SLC7A10: variants seen among roughly 807,000 people sequenced by gnomAD.
SLC7A10 encodes the protein asc-type amino acid transporter 1.
Under a neutral mutation model 52.7 loss-of-function variants are expected in SLC7A10, and 30 were observed. The ratio of observed to expected loss-of-function variants is 0.57; its 90% confidence interval spans 0.43 to 0.77. The LOEUF is 0.77. SLC7A10 is among the 30% of genes least tolerant of loss of function. The probability of loss-of-function intolerance (pLI) is 0.00; values close to 1 mark genes in which losing one functional copy is unlikely to be tolerated. For missense variants in SLC7A10, 581 were observed against 698.5 expected (o/e 0.83, Z 1.90); for synonymous variants, 318 against 314.9 (o/e 1.01, Z -0.10).
At position 33,212,127 on chromosome 19, in the gene SLC7A10, G is replaced by A; in HGVS notation, c.788+165C>T. On this transcript the variant is annotated intron_variant, in intron 5 of 10. Coordinates refer to ENST00000253188, the MANE Select transcript of SLC7A10 (RefSeq NM_019849.3). ...AGAGAGAACAGGGCCAGGCTAGAAT[G>A]CAAGCCCCCCGGCTTTCTTCCCAGG... 3 of 963,190 alleles carry A rather than the reference G, an allele frequency of 3.1e-6. No individual in the cohort carries two copies. In the East Asian group the frequency reaches 7.9e-5, roughly 25 times the overall value. 59.7% of individuals were successfully genotyped at this position (963,190 alleles called of 1,614,324 possible).
intron 5 of SLC7A10, 189 bp from the exon 6 acceptor site, chr19:33,211,726 A>T: frequency 2.7e-6 from 3 of 1,094,848 alleles, no homozygotes; most frequent in Non-Finnish European, 2.6e-6. Flanking sequence ...CCCCACCTGG[A>T]CACAGGCTGG....
intron 1 of SLC7A10, among the ~76,000 whole-genome samples, chr19:33,216,650 T>C (rs1974691621): frequency 1.3e-5 from 2 of 151,978 alleles, no homozygotes; most frequent in African/African-American, 2.4e-5. Context: ...CCCTTCCCTT[T>C]CCTTCCCTCC....
intron 2 of SLC7A10, 23 bp from the exon 3 acceptor site, chr19:33,213,025 T>C: frequency 6.4e-7 from 1 of 1,572,366 alleles, no homozygotes; most frequent in African/African-American, 1.4e-5. Flanking sequence ...GGGGCGGGAG[T>C]GGCTCAAGCT....
In SLC7A10 at chr19:33,215,970, T is replaced by G. The variant is rs1291681701; in HGVS notation, c.155A>C (p.Asn52Thr). The G allele has an allele frequency of 6.3e-7, 1 of 1,583,158 alleles. No individual in the cohort carries two copies. The highest frequency in any genetic ancestry group is 1.7e-5 in the Admixed American group (1 of 58,590). ...LLSACTIIIG[N>T]IIGSGIFISP... ...GATGAAGATGCCCGAGCCGATGATG[T>G]TCCCTGCAGGGGGAGAGATGGGGAG... Residue 52 changes from asparagine to threonine, a missense_variant, in exon 2 of 11, where the codon AAC becomes ACC. Transcript: ENST00000253188.
At chr19:33,223,338 AGAAAG>A (rs1262928256) in intron 1 of SLC7A10, among the ~76,000 whole-genome samples, 2 of 151,858 alleles carry the variant, frequency 1.3e-5, no homozygotes, top group Admixed American at 6.6e-5. Context: ...AGAAAGAAAA[AGAAAG>A]GAAAGGAAAG....
At chr19:33,216,225 C>T (rs1213357564) in intron 1 of SLC7A10, among the ~76,000 whole-genome samples, 1 of 152,204 alleles carries the variant, frequency 6.6e-6, no homozygotes, top group Non-Finnish European at 1.5e-5. Context: ...CTGGCCAGGC[C>T]CCTCTGCCAG....
intron 2 of SLC7A10, 129 bp downstream of exon 2, chr19:33,215,626 ATCCACCCCCCACAC>A: frequency 6.5e-6 from 2 of 306,854 alleles, no homozygotes; most frequent in Non-Finnish European, 4.6e-6. Flanking sequence ...CCTTCTCTCC[ATCCACCCCCCACAC>A]CTTCTCTCCA....
chr19:33,223,087 C>G (rs1406502352), intron 1 of SLC7A10, among the ~76,000 whole-genome samples: 1 of 152,040 alleles, frequency 6.6e-6, no homozygotes, highest in Non-Finnish European at 1.5e-5. Flanking sequence ...GCAGGCAGAT[C>G]ACTTGAGGTT....
Position 33,225,781 on chromosome 19 carries a change from G to C in SLC7A10, c.-78C>G. The stretch of plus-strand genomic sequence containing the variant: ...GCCGCCCGTCGGTCCGTCGGTCCGT[G>C]AGCTCACGGCCCTCGCAGCCGGGAC... On this transcript the variant is annotated 5_prime_UTR_variant, in exon 1 of 11. The change creates a premature stop within an existing upstream ORF in the 5' untranslated region. Transcript: ENST00000253188. 1 of 1,407,182 alleles carries C rather than the reference G, an allele frequency of 7.1e-7. No homozygotes were observed. The highest frequency in any genetic ancestry group is 9.2e-7 in the Non-Finnish European group (1 of 1,082,292). The allele number at this position is 1,407,182 out of a possible 1,614,324, so 87.2% of individuals were successfully genotyped here.
intron 5 of SLC7A10, 178 bp from the exon 6 acceptor site, chr19:33,211,715 C>T: frequency 1.7e-6 from 2 of 1,204,074 alleles, no homozygotes; most frequent in South Asian, 1.4e-5. Context: ...CCCTGCCCCA[C>T]CCCCACCTGG....
intron 5 of SLC7A10, chr19:33,211,995 A>G: frequency 3.8e-6 from 2 of 531,694 alleles, no homozygotes; most frequent in South Asian, 2.1e-5. Flanking sequence ...TATTGTGTGT[A>G]TATGCATAAT....
chr19:33,218,693 T>TCTTTC (rs1157386149), intron 1 of SLC7A10, among the ~76,000 whole-genome samples: 220 of 43,702 alleles, frequency 5.0e-3, no homozygotes, highest in Middle Eastern at 0.031. Flanking sequence ...TTTTTTTTTT[T>TCTTTC]TTTTAGTAGA....
At chr19:33,219,971 C>T (rs1207947420) in intron 1 of SLC7A10, 1 of 152,252 alleles carries the variant, frequency 6.6e-6, no homozygotes, top group Non-Finnish European at 1.5e-5. Context: ...CTTGGAGACC[C>T]CCTAGGCAGC....
rs372803928 is a variant in SLC7A10, at chr19:33,211,333, G to A, written c.913-5C>T. 4 of 1,613,926 alleles carry A rather than the reference G, an allele frequency of 2.5e-6. No homozygotes were observed. Among genetic ancestry groups the A allele is most frequent in the African/African-American group, 1.3e-5 (1 of 74,916 alleles). ...CAGCAGCTTCTCCCCGAAGGTCTGGGTGGGCACAGTAGAGAGGCCATGTGT... is the reference window on the plus strand; with the variant it reads ...CAGCAGCTTCTCCCCGAAGGTCTGGATGGGCACAGTAGAGAGGCCATGTGT... On this transcript the variant is annotated splice_region_variant and splice_polypyrimidine_tract_variant and intron_variant, in intron 6 of 10. Coordinates refer to ENST00000253188, the MANE Select transcript of SLC7A10 (RefSeq NM_019849.3).
intron 5 of SLC7A10, 116 bp downstream of exon 5, chr19:33,212,176 G>C (rs754715850): frequency 3.9e-5 from 57 of 1,446,290 alleles, no homozygotes; most frequent in Non-Finnish European, 5.3e-5. Context: ...GGCAACAGGC[G>C]TGGGCCACCG....
Position 33,212,408 on chromosome 19 carries a change from A to T in SLC7A10, c.672T>A (p.Ala224=), listed in dbSNP as rs751467205. 58 of 1,613,834 alleles carry T rather than the reference A, an allele frequency of 3.6e-5. No individual in the cohort carries two copies. The highest frequency in any genetic ancestry group is 4.9e-5 in the Non-Finnish European group (58 of 1,180,062). ...FEELRPSNAF[A]FWMTPSVGHL... The stretch of plus-strand genomic sequence containing the variant: ...GTCCCACGGAGGGCGTCATCCAGAA[A>T]GCAAAGGCATTGCTGGGCCTCAGCT... Residue 224 remains alanine (A), a synonymous_variant, in exon 5 of 11, where the codon GCT becomes GCA. Coordinates refer to ENST00000253188, the MANE Select transcript of SLC7A10 (RefSeq NM_019849.3).
chr19:33,210,957 A>G lies in SLC7A10; in HGVS notation c.1017-59T>C. 1 of 1,526,506 alleles carries G rather than the reference A, an allele frequency of 6.6e-7. No individual in the cohort carries two copies. Among genetic ancestry groups the G allele is most frequent in the South Asian group, 1.1e-5 (1 of 88,814 alleles). The allele number at this position is 1,526,506 out of a possible 1,614,324, so 94.6% of individuals were successfully genotyped here. On this transcript the variant is annotated intron_variant, in intron 7 of 10. Transcript: ENST00000253188. The surrounding 1 kb of genome is among the most constrained non-coding windows in gnomAD (Gnocchi z 5.6). ...ATCCTGGGTCTCAGCTTTGGACCTG[A>G]TGTCCCTCTTAAGCTGTCGCCTCTG...
intron 1 of SLC7A10, among the ~76,000 whole-genome samples, chr19:33,218,102 C>T (rs1255907286): frequency 6.6e-6 from 1 of 152,126 alleles, no homozygotes; most frequent in African/African-American, 2.4e-5. Context: ...GCTGGGTGGC[C>T]TTGGAAGGAG....
At chr19:33,209,287 A>G (rs1464865251) in intron 10 of SLC7A10, 21 bp downstream of exon 10, 1 of 1,613,400 alleles carries the variant, frequency 6.2e-7, no homozygotes, top group East Asian at 2.2e-5. Context: ...GTGCTGGGTG[A>G]CCTGCAGCTG....
Sources: gnomAD v4.1 joint callset for allele counts (sites outside exome capture counted in the v4.1 genomes callset) on GRCh38, gnomAD v4.1.1 for gene constraint, Gnocchi (gnomAD v3.1) non-coding constraint, MANE v1.5 for transcripts, NCBI Gene and HGNC (gene_info 2026-07-23, HGNC 2026-07-21) for gene names.